The following TMTC1 variants were observed in gnomAD, a reference collection of about 807,000 sequenced individuals.
TMTC1 encodes transmembrane O-mannosyltransferase targeting cadherins 1, also known as protein O-mannosyl-transferase TMTC1.
In TMTC1, 73 loss-of-function variants were observed where a neutral mutation model predicts 104.8. The observed-to-expected ratio is 0.70, with a 90% CI of 0.58 to 0.85. The LOEUF is 0.85. TMTC1 is among the 40% of genes least tolerant of loss of function. The pLI, the probability that TMTC1 is intolerant of heterozygous loss-of-function variation, is 0.00. For missense variants in TMTC1, 1,035 were observed against 1,096.1 expected, an observed-to-expected ratio of 0.94 and a Z score of 0.79; for synonymous variants, 434 against 428.7, an observed-to-expected ratio of 1.01 and a Z score of -0.15.
At chr12:29,591,638 A>C (rs983454546) in intron 7 of TMTC1, among the ~76,000 whole-genome samples, 1 of 152,182 alleles carries the variant, frequency 6.6e-6, no homozygotes, top group African/African-American at 2.4e-5. Context: ...TCTCCATAAC[A>C]GGCTGGTGGT....
chr12:29,520,220 C>A (rs544452754), intron 12 of TMTC1, among the ~76,000 whole-genome samples: 58 of 152,250 alleles, frequency 3.8e-4, no homozygotes, highest in African/African-American at 1.4e-3. Context: ...ATTCTGGAGG[C>A]TTTTAAAAAA....
intron 5 of TMTC1, among the ~76,000 whole-genome samples, chr12:29,724,852 A>T (rs1942337709): frequency 6.6e-6 from 1 of 152,264 alleles, no homozygotes; most frequent in African/African-American, 2.4e-5. Flanking sequence ...ATACAGTTTT[A>T]AAAAATTCTC....
intron 5 of TMTC1, among the ~76,000 whole-genome samples, chr12:29,667,598 GC>G (rs1940334168): frequency 6.6e-6 from 1 of 152,176 alleles, no homozygotes; most frequent in African/African-American, 2.4e-5. Context: ...AAAAAATGAT[GC>G]CCAGAAATGT....
At chr12:29,600,997 T>C (rs962612634) in intron 7 of TMTC1, among the ~76,000 whole-genome samples, 1 of 152,234 alleles carries the variant, frequency 6.6e-6, no homozygotes, top group Non-Finnish European at 1.5e-5. Context: ...TTACCGAATT[T>C]GGCAAATGAA....
chr12:29,540,101 C>T (rs1944755428), intron 10 of TMTC1, among the ~76,000 whole-genome samples: 2 of 152,044 alleles, frequency 1.3e-5, no homozygotes, highest in Non-Finnish European at 2.9e-5. Context: ...GAAAATGCTA[C>T]CTAGAAGCCC....
At position 29,677,962 on chromosome 12, in the gene TMTC1, C is replaced by T. The variant is rs111946159; in HGVS notation, c.939-44626G>A. On this transcript the variant is annotated intron_variant, in intron 5 of 17. Coordinates refer to ENST00000539277, the MANE Select transcript of TMTC1 (RefSeq NM_001193451.2). ...ACAGGTATGTATATATAGGAAAAAA[C>T]GTAGCAATAGTATGTCTAGGATTTG... Among the ~76,000 whole-genome samples the T allele has an allele frequency of 9.9e-3, 1,514 of 152,310 alleles. 31 individuals are homozygous for T. The highest frequency in any genetic ancestry group is 0.035 in the African/African-American group (1,438 of 41,560).
chr12:29,583,639 C>T, intron 7 of TMTC1, 65 bp from the exon 8 acceptor site: 1 of 1,446,234 alleles, frequency 6.9e-7, no homozygotes, highest in East Asian at 2.4e-5. Flanking sequence ...CCAGAATTAT[C>T]TCCTACAAAA....
intron 10 of TMTC1, among the ~76,000 whole-genome samples, chr12:29,544,935 G>A (rs1341539734): frequency 3.3e-5 from 5 of 152,110 alleles, no homozygotes; most frequent in Non-Finnish European, 7.4e-5. Flanking sequence ...TCATCTCTAG[G>A]AGCCCCAGTG....
At chr12:29,666,885 A>T (rs1365334061) in intron 5 of TMTC1, among the ~76,000 whole-genome samples, 3 of 152,192 alleles carry the variant, frequency 2.0e-5, no homozygotes, top group Non-Finnish European at 4.4e-5. Flanking sequence ...ATCTTAATTG[A>T]CTTAACTTCC....
intron 4 of TMTC1, among the ~76,000 whole-genome samples, chr12:29,752,120 T>C (rs989877841): frequency 2.2e-4 from 21 of 95,336 alleles, no homozygotes; most frequent in Non-Finnish European, 3.6e-4. Flanking sequence ...CTTTGTTAGA[T>C]GGCCACCAAC....
intron 8 of TMTC1, among the ~76,000 whole-genome samples, chr12:29,580,933 T>G (rs933270162): frequency 3.9e-5 from 6 of 152,198 alleles, no homozygotes; most frequent in Non-Finnish European, 7.3e-5. Context: ...CACTGCACAG[T>G]AATAGTCTGA....
intron 5 of TMTC1, among the ~76,000 whole-genome samples, chr12:29,671,298 T>TTAAATAAATAAATAAA (rs66951742): frequency 7.0e-6 from 1 of 143,444 alleles, no homozygotes; most frequent in Non-Finnish European, 1.5e-5. Flanking sequence ...AGACTCCATC[T>TTAAATAAATAAATAAA]TAAATAAATA....
At chr12:29,762,031 C>T (rs2120402211) in intron 2 of TMTC1, among the ~76,000 whole-genome samples, 1 of 152,096 alleles carries the variant, frequency 6.6e-6, no homozygotes, top group South Asian at 2.1e-4. Context: ...ACCAAAAATA[C>T]AAATGCCTAG....
chr12:29,517,488 A>AAGC lies in TMTC1; in HGVS notation c.2107_2108insGCT (p.Ala702_Leu703insCys). Reference sequence around the variant, plus strand: ...TGCTGCAGCTTCCTGGTAAATCTGCAAAGCCTCTTCGTATCGGCCAGTGTT... The same window carrying AAGC: ...TGCTGCAGCTTCCTGGTAAATCTGCAAGCAAGCCTCTTCGTATCGGCCAGTGTT... On this transcript the variant is annotated inframe_insertion, in exon 14 of 18. Transcript: ENST00000539277. 2 of 1,614,172 alleles carry AAGC rather than the reference A, an allele frequency of 1.2e-6. No individual in the cohort carries two copies. The highest frequency in any genetic ancestry group is 1.7e-6 in the Non-Finnish European group (2 of 1,180,028).
intron 6 of TMTC1, among the ~76,000 whole-genome samples, chr12:29,611,522 G>C (rs1331309555): frequency 6.6e-6 from 1 of 152,160 alleles, no homozygotes; most frequent in South Asian, 2.1e-4. Flanking sequence ...CTAGTGAGGA[G>C]ATAAGGTAAT....
At chr12:29,617,428 T>A (rs1947012775) in intron 6 of TMTC1, among the ~76,000 whole-genome samples, 1 of 152,098 alleles carries the variant, frequency 6.6e-6, no homozygotes, top group African/African-American at 2.4e-5. Context: ...TGTACTTACT[T>A]AGAAGCAAAC....
intron 11 of TMTC1, chr12:29,530,049 T>A (rs1944457275): frequency 6.6e-6 from 1 of 152,208 alleles, no homozygotes; most frequent in South Asian, 2.1e-4. Context: ...TAATTGCAGC[T>A]TCCTGATACT....
intron 8 of TMTC1, among the ~76,000 whole-genome samples, chr12:29,576,897 C>T (rs1945839775): frequency 6.6e-6 from 1 of 152,030 alleles, no homozygotes; most frequent in Non-Finnish European, 1.5e-5. Flanking sequence ...ACACGTTGTA[C>T]ACCTTAATTT....
chr12:29,538,964 C>CA (rs1003434654), intron 10 of TMTC1, among the ~76,000 whole-genome samples: 1 of 152,192 alleles, frequency 6.6e-6, no homozygotes, highest in Non-Finnish European at 1.5e-5. Context: ...GTCAGGCTAA[C>CA]AGACATCACA....
Sources: gnomAD v4.1 joint callset for allele counts (sites outside exome capture counted in the v4.1 genomes callset) on GRCh38, gnomAD v4.1.1 for gene constraint, MANE v1.5 for transcripts, NCBI Gene and HGNC (gene_info 2026-07-23, HGNC 2026-07-21) for gene names.